Variants in FRAS1 observed in about 807,000 individuals in gnomAD.
FRAS1 encodes extracellular matrix organizing protein FRAS1.
A neutral mutation model predicts 435.2 loss-of-function variants in FRAS1; 290 were observed. The observed-to-expected ratio is 0.67, with a 90% confidence interval of 0.61 to 0.73. The LOEUF (loss-of-function observed/expected upper bound fraction) is 0.73. Ranked by LOEUF, FRAS1 falls within the 30% of genes least tolerant of loss-of-function variation. FRAS1 has a pLI of 0.00. For synonymous variants in FRAS1, 1,800 were observed against 1,851.0 expected (o/e 0.97, Z 0.71); for missense variants, 4,860 against 5,001.5 (o/e 0.97, Z 0.85).
chr4:78,181,946 G>T, intron 2 of FRAS1: 1 of 1,607,822 alleles, frequency 6.2e-7, no homozygotes, highest in Non-Finnish European at 8.5e-7. Flanking sequence ...CTTGTTCTCC[G>T]CTGCCTTCAG....
chr4:78,430,419 T>G lies in FRAS1; in HGVS notation c.4969+2T>G. 3 of 1,612,530 alleles carry G rather than the reference T, an allele frequency of 1.9e-6. No homozygotes were observed. The highest frequency in any genetic ancestry group is 2.5e-6 in the Non-Finnish European group (3 of 1,179,290). ...AGTTCCGAAGGCCGATGGCCACAGG[T>G]AGCTACACACCTACACACTCTGTCA... On this transcript the variant is annotated splice_donor_variant, in intron 37 of 73. Transcript: ENST00000512123. LOFTEE classifies it high-confidence loss of function.
chr4:78,065,083 T>TATATATATACAC (rs1383890164), intron 1 of FRAS1, among the ~76,000 whole-genome samples: 18 of 140,594 alleles, frequency 1.3e-4, no homozygotes, highest in African/African-American at 4.7e-4. Flanking sequence ...TATATATATA[T>TATATATATACAC]ACATACACAC....
At chr4:78,431,785 A>AT (rs201580023) in intron 37 of FRAS1, among the ~76,000 whole-genome samples, 1,810 of 151,772 alleles carry the variant, frequency 0.012, 30 homozygotes, top group African/African-American at 0.042. Context: ...TGAACTTGAA[A>AT]TTTTTTTTTA....
Position 78,404,045 on chromosome 4 carries a change from G to A in FRAS1, c.4129+3158G>A, listed in dbSNP as rs893280334. On this transcript the variant is annotated intron_variant, in intron 30 of 73. Coordinates refer to ENST00000512123, the MANE Select transcript of FRAS1 (RefSeq NM_025074.7). ...GACAACTTGATTAATACTTGTATCT[G>A]TAGCTACTTACTTAGATTTGAAAGT... 3.3e-5 allele frequency among the ~76,000 whole-genome samples: 5 copies of A among 152,276 alleles called. No individual in the cohort carries two copies. The East Asian group carries it at 7.7e-4, about 23-fold the overall frequency.
At chr4:78,078,448 G>A (rs1166571970) in intron 2 of FRAS1, among the ~76,000 whole-genome samples, 1 of 152,042 alleles carries the variant, frequency 6.6e-6, no homozygotes, top group Non-Finnish European at 1.5e-5. Flanking sequence ...TAAAACCTTG[G>A]TAAGAATAAA....
intron 14 of FRAS1, among the ~76,000 whole-genome samples, chr4:78,305,985 T>G (rs1728692117): frequency 6.6e-6 from 1 of 152,198 alleles, no homozygotes. Context: ...TGGCATGATT[T>G]TGCAGTGGCT....
At chr4:78,400,053 C>T (rs1732820928) in intron 29 of FRAS1, among the ~76,000 whole-genome samples, 1 of 152,356 alleles carries the variant, frequency 6.6e-6, no homozygotes, top group South Asian at 2.1e-4. Flanking sequence ...GCACCAGACA[C>T]TTGGGCATTT....
At chr4:78,371,769 CA>C (rs1450515261) in intron 23 of FRAS1, among the ~76,000 whole-genome samples, 1 of 152,220 alleles carries the variant, frequency 6.6e-6, no homozygotes, top group Non-Finnish European at 1.5e-5. Context: ...CACTGGCTTT[CA>C]AACATGAGTT....
intron 2 of FRAS1, among the ~76,000 whole-genome samples, chr4:78,088,338 T>G (rs1465025646): frequency 6.6e-6 from 1 of 152,158 alleles, no homozygotes; most frequent in Non-Finnish European, 1.5e-5. Context: ...GAGGAAAACC[T>G]AGGCAATACC....
chr4:78,456,957 A>T (rs149319369), intron 47 of FRAS1, among the ~76,000 whole-genome samples: 1 of 152,070 alleles, frequency 6.6e-6, no homozygotes, highest in African/African-American at 2.4e-5. Flanking sequence ...CACCTTACTC[A>T]TTTCAGTCTC....
At chr4:78,105,926 C>T (rs373138111) in intron 2 of FRAS1, among the ~76,000 whole-genome samples, 1 of 135,910 alleles carries the variant, frequency 7.4e-6, no homozygotes. Flanking sequence ...CAAGGCATTG[C>T]CCCACTTGGG....
intron 2 of FRAS1, among the ~76,000 whole-genome samples, chr4:78,101,644 G>A (rs886310519): frequency 2.0e-5 from 3 of 152,002 alleles, no homozygotes; most frequent in African/African-American, 7.2e-5. Context: ...AGAATTTCCA[G>A]GCCTGATATT....
chr4:78,073,037 A>G (rs1331112069), intron 2 of FRAS1, among the ~76,000 whole-genome samples: 1 of 152,168 alleles, frequency 6.6e-6, no homozygotes, highest in African/African-American at 2.4e-5. Flanking sequence ...TCCTGGCACT[A>G]GAGTGTGCAG....
chr4:78,126,857 T>A (rs2109974675), intron 2 of FRAS1, among the ~76,000 whole-genome samples: 1 of 152,338 alleles, frequency 6.6e-6, no homozygotes, highest in African/African-American at 2.4e-5. Flanking sequence ...AGATTTATTT[T>A]GTTTTAGTCA....
At chr4:78,233,606 G>GTTCCC (rs1724605562) in intron 2 of FRAS1, among the ~76,000 whole-genome samples, 1 of 152,194 alleles carries the variant, frequency 6.6e-6, no homozygotes, top group African/African-American at 2.4e-5. Context: ...CTTAATAAGT[G>GTTCCC]CCAGACACTG....
chr4:78,537,953 A>T (rs1207478862), intron 72 of FRAS1, among the ~76,000 whole-genome samples: 1 of 146,792 alleles, frequency 6.8e-6, no homozygotes, highest in African/African-American at 2.5e-5. Context: ...CTCAAAAAAA[A>T]AAAAGAAAAA....
chr4:78,229,830 CAG>C (rs749114954), intron 2 of FRAS1, among the ~76,000 whole-genome samples: 1 of 152,082 alleles, frequency 6.6e-6, no homozygotes, highest in Non-Finnish European at 1.5e-5. Context: ...TTTATAAAAT[CAG>C]AGTCATGATG....
chr4:78,365,098 T>TATC (rs904176045), intron 22 of FRAS1, among the ~76,000 whole-genome samples: 1 of 152,242 alleles, frequency 6.6e-6, no homozygotes, highest in South Asian at 2.1e-4. Context: ...ATTTTGTTTT[T>TATC]ATCATCATCA....
intron 2 of FRAS1, among the ~76,000 whole-genome samples, chr4:78,232,268 GAGATATTAATACAAGGA>G (rs1724547346): frequency 6.6e-6 from 1 of 151,770 alleles, no homozygotes; most frequent in Admixed American, 6.6e-5. Context: ...TAGTTCCATA[GAGATATTAATACAAGGA>G]AGATTTTTTT....
Sources: gnomAD v4.1 joint callset for allele counts (sites outside exome capture counted in the v4.1 genomes callset) on GRCh38, gnomAD v4.1.1 for gene constraint, MANE v1.5 for transcripts, NCBI Gene and HGNC (gene_info 2026-07-23, HGNC 2026-07-21) for gene names.